Variants in FGD4 observed in about 807,000 individuals in gnomAD.
FGD4 encodes FYVE, RhoGEF and PH domain containing 4, also known as FYVE, RhoGEF and PH domain-containing protein 4.
FGD4 carries 42 observed loss-of-function variants against 102.0 expected under a neutral mutation model. The ratio of observed to expected loss-of-function variants is 0.41; its 90% confidence interval spans 0.32 to 0.53. FGD4 has a LOEUF of 0.53. Ranked by LOEUF, FGD4 falls within the 20% of genes least tolerant of loss-of-function variation. FGD4 has a pLI of 0.21. For synonymous variants in FGD4, 380 were observed against 375.7 expected (o/e 1.01, Z -0.13); for missense variants, 902 against 1,078.2 (o/e 0.84, Z 2.29).
intron 1 of FGD4, among the ~76,000 whole-genome samples, chr12:32,426,873 T>C (rs1219579913): frequency 6.6e-6 from 1 of 152,222 alleles, no homozygotes; most frequent in Non-Finnish European, 1.5e-5. Flanking sequence ...TAGTATTCTC[T>C]GATGGTAGTT....
At chr12:32,558,488 T>C (rs2136234353) in intron 1 of FGD4, among the ~76,000 whole-genome samples, 1 of 152,138 alleles carries the variant, frequency 6.6e-6, no homozygotes, top group South Asian at 2.1e-4. Context: ...TGGTAAGAGG[T>C]CAGGCTCGAA....
intron 1 of FGD4, chr12:32,556,883 C>T (rs529104562): frequency 6.6e-6 from 1 of 152,346 alleles, no homozygotes; most frequent in Non-Finnish European, 1.5e-5. Flanking sequence ...GATGGAGTCT[C>T]ACTCTGTCAC....
intron 1 of FGD4, among the ~76,000 whole-genome samples, chr12:32,433,120 C>T (rs934263117): frequency 3.3e-5 from 5 of 151,884 alleles, no homozygotes; most frequent in Middle Eastern, 3.2e-3. Context: ...CCTCAGCCTC[C>T]GAAAAAGCTG....
intron 14 of FGD4, among the ~76,000 whole-genome samples, chr12:32,631,936 C>G (rs932929549): frequency 6.6e-6 from 1 of 152,166 alleles, no homozygotes; most frequent in Non-Finnish European, 1.5e-5. Flanking sequence ...TGTCAAAATA[C>G]TGTGCTATGA....
intron 1 of FGD4, among the ~76,000 whole-genome samples, chr12:32,422,399 C>T (rs963469381): frequency 8.5e-5 from 12 of 141,940 alleles, no homozygotes; most frequent in African/African-American, 1.3e-4. Context: ...CCCGAGTTCA[C>T]GCCATTCTCC....
chr12:32,493,223 T>C (rs1944173405), intron 1 of FGD4, among the ~76,000 whole-genome samples: 1 of 152,170 alleles, frequency 6.6e-6, no homozygotes, highest in African/African-American at 2.4e-5. Flanking sequence ...AGGGTTTTTG[T>C]TTTGTTTTCT....
intron 1 of FGD4, 46 bp downstream of exon 1, chr12:32,400,005 T>G (rs1365632558): frequency 1.4e-6 from 2 of 1,421,598 alleles, no homozygotes; most frequent in African/African-American, 1.5e-5. Context: ...GGCGCGTAGG[T>G]GCGGGTGAGG....
At chr12:32,526,771 C>T (rs1941271315) in intron 1 of FGD4, among the ~76,000 whole-genome samples, 2 of 152,124 alleles carry the variant, frequency 1.3e-5, no homozygotes, top group African/African-American at 4.8e-5. Context: ...CTCCTGAGCC[C>T]AGCAAGACCA....
At chr12:32,415,528 T>C (rs1406512826) in intron 1 of FGD4, among the ~76,000 whole-genome samples, 1 of 149,732 alleles carries the variant, frequency 6.7e-6, no homozygotes, top group East Asian at 2.0e-4. Context: ...GTTCACGCCA[T>C]TCTCCTGCCT....
chr12:32,435,052 T>G (rs1023093182), intron 1 of FGD4, among the ~76,000 whole-genome samples: 1 of 152,144 alleles, frequency 6.6e-6, no homozygotes, highest in African/African-American at 2.4e-5. Context: ...CAAGTGATTC[T>G]CCTGTCTCAG....
Position 32,640,351 on chromosome 12 carries a change from C to T in FGD4, c.2530C>T (p.His844Tyr). ...DEMPRSADLP[H>Y]SFKLTQSKSV... Reference sequence around the variant, plus strand: ...AATGCCAAGGAGCGCAGACCTGCCACACAGTTTCAAACTGACCCAGTCTAA... The same window carrying T: ...AATGCCAAGGAGCGCAGACCTGCCATACAGTTTCAAACTGACCCAGTCTAA... The change falls in exon 17 of 17, where the codon CAC becomes TAC. Residue 844 changes from histidine (H) to tyrosine (Y), a missense_variant. Physicochemically the swap from His to Tyr is moderately conservative, Grantham distance 83. Around this residue, in one of 2 missense-constraint regions of FGD4, gnomAD observed 459 missense variants for 619.0 expected, o/e 0.74. Coordinates refer to ENST00000534526, the MANE Select transcript of FGD4 (RefSeq NM_001370298.3). 1 of 1,614,192 alleles carries T rather than the reference C, an allele frequency of 6.2e-7. No individual in the cohort carries two copies. The highest frequency in any genetic ancestry group is 8.5e-7 in the Non-Finnish European group (1 of 1,180,036).
intron 1 of FGD4, among the ~76,000 whole-genome samples, chr12:32,533,992 A>C (rs1393283436): frequency 2.6e-5 from 4 of 152,224 alleles, no homozygotes; most frequent in Admixed American, 2.0e-4. Context: ...TAAGCTTGTG[A>C]ATCATGAATC....
chr12:32,468,538 G>T (rs1013263440), intron 1 of FGD4, among the ~76,000 whole-genome samples: 2 of 151,964 alleles, frequency 1.3e-5, no homozygotes, highest in African/African-American at 4.8e-5. Context: ...GTGCCTTTAC[G>T]TTAATATTTT....
intron 1 of FGD4, among the ~76,000 whole-genome samples, chr12:32,463,916 A>G (rs1194061382): frequency 6.6e-6 from 1 of 152,210 alleles, no homozygotes; most frequent in Non-Finnish European, 1.5e-5. Flanking sequence ...AGCCTTGTGA[A>G]GACTTTGTCA....
At chr12:32,604,936 C>CTTTTTTTTTTT (rs575943561) in intron 7 of FGD4, among the ~76,000 whole-genome samples, 1,261 of 94,412 alleles carry the variant, frequency 0.013, 175 homozygotes, top group African/African-American at 0.045. Context: ...TTTATAGCTG[C>CTTTTTTTTTTT]TTTTTTTTTT....
chr12:32,526,031 G>A (rs374418770), intron 1 of FGD4, among the ~76,000 whole-genome samples: 8 of 152,354 alleles, frequency 5.3e-5, no homozygotes, highest in Admixed American at 6.5e-5. Context: ...CAGTCCCATC[G>A]ACCACGCAAG....
intron 5 of FGD4, among the ~76,000 whole-genome samples, chr12:32,600,671 A>G (rs1011208390): frequency 7.1e-6 from 1 of 141,750 alleles, no homozygotes; most frequent in African/African-American, 2.7e-5. Flanking sequence ...AGTGTTTTAC[A>G]TTACTATGCA....
At chr12:32,562,780 CAGA>C (rs1944730019) in intron 1 of FGD4, among the ~76,000 whole-genome samples, 1 of 151,906 alleles carries the variant, frequency 6.6e-6, no homozygotes, top group Non-Finnish European at 1.5e-5. Flanking sequence ...TTTCTTAGTA[CAGA>C]ACAAAATGAA....
At chr12:32,421,893 C>A (rs1270607454) in intron 1 of FGD4, among the ~76,000 whole-genome samples, 1 of 152,050 alleles carries the variant, frequency 6.6e-6, no homozygotes, top group Non-Finnish European at 1.5e-5. Context: ...ATAATCCCAG[C>A]ACTTTGGGAG....
Sources: allele counts gnomAD v4.1 joint callset (sites outside exome capture counted in the v4.1 genomes callset), GRCh38; gene constraint gnomAD v4.1.1; regional missense constraint gnomAD v4.1.1; transcripts MANE v1.5; gene names NCBI Gene and HGNC (gene_info 2026-07-23, HGNC 2026-07-21).